Variants in PCGF5 observed in about 807,000 individuals in gnomAD.
PCGF5 encodes polycomb group RING finger protein 5.
A neutral mutation model predicts 44.3 loss-of-function variants in PCGF5; 9 were observed. That is an observed-to-expected ratio of 0.20 (90% CI 0.12 to 0.35). The LOEUF (loss-of-function observed/expected upper bound fraction) is 0.35. PCGF5 is among the 10% of genes least tolerant of loss of function. The pLI, the probability that PCGF5 is intolerant of heterozygous loss-of-function variation, is 1.00. For synonymous variants in PCGF5, 95 were observed against 102.5 expected (o/e 0.93, Z 0.44); for missense variants, 146 against 305.3 (o/e 0.48, Z 3.89).
intron 6 of PCGF5, among the ~76,000 whole-genome samples, chr10:91,257,059 T>C (rs1162923761): frequency 6.6e-6 from 1 of 152,112 alleles, no homozygotes; most frequent in East Asian, 1.9e-4. Context: ...TTGCAAATCA[T>C]GTCTGATAAG....
chr10:91,276,560 A>G (rs1846318010), intron 9 of PCGF5, among the ~76,000 whole-genome samples: 1 of 152,248 alleles, frequency 6.6e-6, no homozygotes, highest in Admixed American at 6.5e-5. Flanking sequence ...CAATAAAATT[A>G]TTAAACTTCA....
chr10:91,224,727 T>C (rs1483022717), intron 2 of PCGF5, among the ~76,000 whole-genome samples: 2 of 152,124 alleles, frequency 1.3e-5, no homozygotes, highest in African/African-American at 2.4e-5. Context: ...GTTTAAGGAA[T>C]AGCAAATCAG....
intron 9 of PCGF5, among the ~76,000 whole-genome samples, chr10:91,277,357 A>G (rs1846342651): frequency 1.3e-5 from 2 of 152,258 alleles, no homozygotes; most frequent in Admixed American, 1.3e-4. Flanking sequence ...GTCAGTGACC[A>G]TCTCAGCCCC....
intron 2 of PCGF5, among the ~76,000 whole-genome samples, chr10:91,223,384 T>C (rs956348955): frequency 1.4e-4 from 21 of 152,198 alleles, no homozygotes; most frequent in Non-Finnish European, 2.4e-4. Flanking sequence ...AGCACCAGTG[T>C]CATTGCAAGT....
intron 2 of PCGF5, among the ~76,000 whole-genome samples, chr10:91,226,342 G>A (rs1054110680): frequency 2.9e-5 from 4 of 139,286 alleles, no homozygotes; most frequent in Non-Finnish European, 6.2e-5. Context: ...AGGAAGGACA[G>A]ACTATGATAT....
intron 8 of PCGF5, among the ~76,000 whole-genome samples, chr10:91,267,893 G>A (rs1389239015): frequency 1.3e-5 from 2 of 152,094 alleles, no homozygotes; most frequent in Admixed American, 6.6e-5. Flanking sequence ...TGACCACTAT[G>A]TGGTTCTTTT....
rs1845909711 is a variant in PCGF5, at chr10:91,261,564, T to C, written c.573+140T>C. 3 of 1,111,504 alleles carry C rather than the reference T, an allele frequency of 2.7e-6. No homozygotes were observed. The East Asian group carries it at 8.9e-5, about 33-fold the overall frequency. The allele number at this position is 1,111,504 out of a possible 1,614,324, so 68.9% of individuals were successfully genotyped here. On this transcript the variant is annotated intron_variant, in intron 7 of 9. Transcript: ENST00000336126. ...TATTTTTGTGTTAAAAATTTAATTT[T>C]CAGAATGTATTATTCTACTTAGGTA... is the stretch of plus-strand genomic sequence containing the variant.
At chr10:91,262,306 T>C (rs1589405646) in intron 7 of PCGF5, among the ~76,000 whole-genome samples, 1 of 152,096 alleles carries the variant, frequency 6.6e-6, no homozygotes, top group East Asian at 1.9e-4. Flanking sequence ...GGTGCCTGTA[T>C]TCTCAGCTAC....
chr10:91,219,003 T>A (rs1844601456), upstream of PCGF5, among the ~76,000 whole-genome samples: 1 of 152,142 alleles, frequency 6.6e-6, no homozygotes. Context: ...TGCATTTTTT[T>A]AAATTGGGGT....
chr10:91,235,473 G>A (rs1321558586), intron 2 of PCGF5, among the ~76,000 whole-genome samples: 1 of 152,124 alleles, frequency 6.6e-6, no homozygotes, highest in Non-Finnish European at 1.5e-5. Context: ...AGAGGCTGAG[G>A]CAGGAGGATC....
In PCGF5 at chr10:91,284,152, T is replaced by G. The variant is rs1405504270; in HGVS notation, c.*5836T>G. The stretch of plus-strand genomic sequence containing the variant: ...ATGGAATGTTCTGTACAAAGCTGTA[T>G]AATTGTACTGTTGGGCTAGATACTT... On this transcript the variant is annotated 3_prime_UTR_variant, in exon 10 of 10. Coordinates refer to ENST00000336126, the MANE Select transcript of PCGF5 (RefSeq NM_032373.5). 2.0e-5 allele frequency: 3 copies of G among 152,590 alleles called. No individual in the cohort carries two copies. The highest frequency in any genetic ancestry group is 2.0e-4 in the Admixed American group (3 of 15,274). 9.5% of individuals were successfully genotyped at this position (152,590 alleles called of 1,614,324 possible).
intron 9 of PCGF5, among the ~76,000 whole-genome samples, chr10:91,273,856 A>G (rs900107545): frequency 2.7e-5 from 4 of 150,034 alleles, no homozygotes; most frequent in Admixed American, 6.7e-5. Flanking sequence ...AAAATATTTT[A>G]TACATTTTAT....
intron 1 of PCGF5, among the ~76,000 whole-genome samples, chr10:91,206,594 A>G (rs1180448879): frequency 6.6e-6 from 1 of 152,168 alleles, no homozygotes; most frequent in Non-Finnish European, 1.5e-5. Context: ...ATGCAACTGC[A>G]TAGTTGCCAG....
intron 6 of PCGF5, among the ~76,000 whole-genome samples, chr10:91,251,956 G>C (rs1277835556): frequency 6.6e-6 from 1 of 151,940 alleles, no homozygotes; most frequent in African/African-American, 2.4e-5. Context: ...AAGGCCCTCA[G>C]TTATTTCCTA....
At chr10:91,231,696 G>A (rs975123920) in intron 2 of PCGF5, among the ~76,000 whole-genome samples, 10 of 152,274 alleles carry the variant, frequency 6.6e-5, no homozygotes, top group Non-Finnish European at 1.2e-4. Flanking sequence ...ATGAAGATCC[G>A]TTTCAGGCAG....
Position 91,280,696 on chromosome 10 carries a change from G to A in PCGF5, c.*2380G>A, listed in dbSNP as rs1461556836. 6.6e-6 allele frequency: 1 copy of A among 152,342 alleles called. No homozygotes were observed. Among genetic ancestry groups the A allele is most frequent in the Non-Finnish European group, 1.5e-5 (1 of 67,876 alleles). The allele number at this position is 152,342 out of a possible 1,614,324, so 9.4% of individuals were successfully genotyped here. A position where few individuals can be genotyped will look rare whatever the true frequency, so the allele number is the denominator to read the frequency against. ...ACTTATTTTGGTATATTCAACTACA[G>A]CTTTCTAAGGATAGGACTACTTTCA... On this transcript the variant is annotated 3_prime_UTR_variant, in exon 10 of 10. Transcript: ENST00000336126.
At chr10:91,192,018 T>A (rs888983070) in intron 1 of PCGF5, among the ~76,000 whole-genome samples, 2 of 152,248 alleles carry the variant, frequency 1.3e-5, no homozygotes, top group African/African-American at 2.4e-5. Flanking sequence ...GTTCCTCCTC[T>A]ATAAAGTTTG....
intron 1 of PCGF5, among the ~76,000 whole-genome samples, chr10:91,208,466 T>G (rs1844387440): frequency 1.3e-5 from 2 of 152,166 alleles, no homozygotes; most frequent in South Asian, 4.1e-4. Context: ...GCCCAGATTC[T>G]GCATTCCTAA....
chr10:91,233,049 G>C (rs1396885712), intron 2 of PCGF5, among the ~76,000 whole-genome samples: 1 of 152,196 alleles, frequency 6.6e-6, no homozygotes, highest in Non-Finnish European at 1.5e-5. Flanking sequence ...TTAGAGTTTA[G>C]TTGAGCAAGT....
Sources: allele counts gnomAD v4.1 joint callset (sites outside exome capture counted in the v4.1 genomes callset), GRCh38; gene constraint gnomAD v4.1.1; transcripts MANE v1.5; gene names NCBI Gene and HGNC (gene_info 2026-07-23, HGNC 2026-07-21).